Variants in UBA3 observed in about 807,000 individuals in gnomAD.
The protein encoded by UBA3 is ubiquitin like modifier activating enzyme 3, also known as NEDD8-activating enzyme E1 catalytic subunit.
A neutral mutation model predicts 73.5 loss-of-function variants in UBA3; 26 were observed. The ratio of observed to expected loss-of-function variants is 0.35; its 90% CI spans 0.26 to 0.49. The LOEUF (loss-of-function observed/expected upper bound fraction) is 0.49, where lower values mean the gene tolerates loss of function less well. Among genes scored for constraint, UBA3 ranks in the 20% least tolerant of loss-of-function variants. The pLI, the probability that UBA3 is intolerant of heterozygous loss-of-function variation, is 0.98. For synonymous variants in UBA3, 217 were observed against 191.2 expected (o/e 1.13, Z -1.11); for missense variants, 495 against 555.6 (o/e 0.89, Z 1.10).
At chr3:69,070,299 C>A (rs974474529) in intron 5 of UBA3, among the ~76,000 whole-genome samples, 1 of 152,170 alleles carries the variant, frequency 6.6e-6, no homozygotes, top group Non-Finnish European at 1.5e-5. Context: ...CATTAAGGGT[C>A]ACACTGCAAT....
chr3:69,072,849 C>T (rs1249210377), intron 4 of UBA3, among the ~76,000 whole-genome samples: 4 of 152,174 alleles, frequency 2.6e-5, no homozygotes, highest in Non-Finnish European at 5.9e-5. Flanking sequence ...TTCCAGGTGC[C>T]CGCCCCTAGA....
At position 69,056,618 on chromosome 3, in the gene UBA3, T is replaced by C; in HGVS notation, c.1077A>G (p.Glu359=). The C allele has an allele frequency of 6.2e-7, 1 of 1,609,258 alleles. No homozygotes were observed. The highest frequency in any genetic ancestry group is 2.2e-5 in the East Asian group (1 of 44,754). The stretch of plus-strand genomic sequence containing the variant: ...TGTTCTTAATACTACTAACCTTTCT[T>C]TCTGCTTCAAATGTGTATGTATACA... The part of the protein sequence containing the change: ...DGLYTYTFEA[E]RKENCPACSQ... Residue 359 remains glutamate, a synonymous_variant, in exon 14 of 18, where the codon GAA becomes GAG. Transcript: ENST00000361055.
At chr3:69,070,813 T>G (rs2092116202) in intron 5 of UBA3, among the ~76,000 whole-genome samples, 1 of 151,942 alleles carries the variant, frequency 6.6e-6, no homozygotes, top group African/African-American at 2.4e-5. Flanking sequence ...CCCGGCTAAT[T>G]TTTTAATTTT....
chr3:69,075,951 G>T (rs1024559881), intron 3 of UBA3, among the ~76,000 whole-genome samples: 9 of 152,006 alleles, frequency 5.9e-5, no homozygotes, highest in African/African-American at 2.2e-4. Context: ...GACTGGCCTT[G>T]AACTCCTGAC....
chr3:69,079,911 C>G (rs747786113), intron 2 of UBA3: 4 of 546,108 alleles, frequency 7.3e-6, no homozygotes, highest in Admixed American at 7.8e-5. Flanking sequence ...CTGGCCCCGA[C>G]GCCCGCACCG....
In UBA3 at chr3:69,057,317, A is replaced by G. The variant is rs773799697; in HGVS notation, c.911-8T>C. The G allele has an allele frequency of 7.5e-6, 12 of 1,607,662 alleles. No individual in the cohort carries two copies. Among genetic ancestry groups the G allele is most frequent in the Non-Finnish European group, 5.9e-6 (7 of 1,177,172 alleles). ...TGATTCTTTTTACTACCCCTGAAAA[A>G]ACATATCAATTAAAATATGGTCATT... On this transcript the variant is annotated splice_region_variant and splice_polypyrimidine_tract_variant and intron_variant, in intron 11 of 17. Coordinates refer to ENST00000361055, the MANE Select transcript of UBA3 (RefSeq NM_003968.4).
intron 5 of UBA3, 63 bp downstream of exon 5, chr3:69,071,472 T>C: frequency 3.5e-6 from 3 of 856,100 alleles, no homozygotes; most frequent in East Asian, 2.8e-5. Flanking sequence ...TAAACTGCAA[T>C]GTACAAGTTC....
chr3:69,056,642 C>G lies in UBA3; in HGVS notation c.1053G>C (p.Leu351=). 6.2e-7 allele frequency: 1 copy of G among 1,612,946 alleles called. No individual in the cohort carries two copies. The highest frequency in any genetic ancestry group is 1.1e-5 in the South Asian group (1 of 91,030). The part of the protein sequence containing the change: ...NYLVFNDVDG[L]YTYTFEAERK... ...TTTCTGCTTCAAATGTGTATGTATA[C>G]AGCCCATCTACATCATTAAACACCA... Residue 351 remains leucine, a synonymous_variant, in exon 14 of 18, where the codon CTG becomes CTC. Transcript: ENST00000361055.
chr3:69,071,347 CTATCA>C, intron 5 of UBA3, 183 bp downstream of exon 5: 1 of 482,324 alleles, frequency 2.1e-6, no homozygotes, highest in Non-Finnish European at 3.6e-6. Flanking sequence ...TACATAACTA[CTATCA>C]CCAAGATGCC....
rs2092182412 is a variant in UBA3, at chr3:69,077,938, T to C, written c.63-20A>G. On this transcript the variant is annotated intron_variant, in intron 2 of 17. Transcript: ENST00000361055. ...GCCATTCTGCACAGAACACAGTAAA[T>C]TCAGCTGCAAAGATCAGTATGAAAA... 2 of 1,610,056 alleles carry C rather than the reference T, an allele frequency of 1.2e-6. No homozygotes were observed. The highest frequency in any genetic ancestry group is 2.2e-5 in the East Asian group (1 of 44,774).
At chr3:69,057,927 T>TC (rs1402050075) in intron 11 of UBA3, among the ~76,000 whole-genome samples, 2 of 143,820 alleles carry the variant, frequency 1.4e-5, no homozygotes, top group South Asian at 2.3e-4. Flanking sequence ...CATTTTTCTT[T>TC]TTTTTTTTTT....
intron 11 of UBA3, among the ~76,000 whole-genome samples, chr3:69,057,561 T>C (rs971875221): frequency 2.0e-5 from 3 of 152,302 alleles, no homozygotes; most frequent in African/African-American, 4.8e-5. Flanking sequence ...AATAACATCA[T>C]AATAGTTAAC....
chr3:69,070,260 TAAAC>T (rs1008411626), intron 5 of UBA3, among the ~76,000 whole-genome samples: 2 of 152,034 alleles, frequency 1.3e-5, no homozygotes, highest in Non-Finnish European at 1.5e-5. Context: ...GGTTAAAAAA[TAAAC>T]AAAAAATAAA....
intron 1 of UBA3, 64 bp downstream of exon 1, chr3:69,080,270 C>A: frequency 6.3e-7 from 1 of 1,586,840 alleles, no homozygotes; most frequent in Non-Finnish European, 8.6e-7. Flanking sequence ...GCGGCAACCG[C>A]CCACCGCCGC....
At chr3:69,058,016 C>T (rs528429370) in intron 11 of UBA3, among the ~76,000 whole-genome samples, 3 of 149,438 alleles carry the variant, frequency 2.0e-5, no homozygotes, top group East Asian at 3.9e-4. Context: ...CTGCAAGCTC[C>T]GCCTTCTGGG....
chr3:69,055,766 G>A, intron 17 of UBA3, 85 bp downstream of exon 17: 1 of 1,329,634 alleles, frequency 7.5e-7, no homozygotes, highest in African/African-American at 1.5e-5. Context: ...GGCATTAAGA[G>A]GAAATCTAGA....
rs1227053892 is a variant in UBA3, at chr3:69,071,523, A to G, written c.347+12T>C. 3 of 1,428,142 alleles carry G rather than the reference A, an allele frequency of 2.1e-6. No individual in the cohort carries two copies. In the South Asian group the frequency reaches 3.8e-5, roughly 18 times the overall value. The allele number at this position is 1,428,142 out of a possible 1,614,324, so 88.5% of individuals were successfully genotyped here. ...CTTAAAAAAAGAAAACCGCTAAGATATTAAAACTTACCTAAATAAAAACTG... is the reference window on the plus strand; with the variant it reads ...CTTAAAAAAAGAAAACCGCTAAGATGTTAAAACTTACCTAAATAAAAACTG... On this transcript the variant is annotated intron_variant, in intron 5 of 17. Transcript: ENST00000361055.
At chr3:69,055,724 G>T in intron 17 of UBA3, 127 bp downstream of exon 17, 1 of 981,900 alleles carries the variant, frequency 1.0e-6, no homozygotes, top group Non-Finnish European at 1.5e-6. Flanking sequence ...TATGTCTAAA[G>T]TTGTAAGTAA....
intron 11 of UBA3, among the ~76,000 whole-genome samples, chr3:69,057,924 C>CCT (rs2091988091): frequency 1.7e-5 from 2 of 115,476 alleles, no homozygotes; most frequent in African/African-American, 6.7e-5. Flanking sequence ...CCACATTTTT[C>CCT]TTTTTTTTTT....
Sources: allele counts gnomAD v4.1 joint callset (sites outside exome capture counted in the v4.1 genomes callset), GRCh38; gene constraint gnomAD v4.1.1; transcripts MANE v1.5; gene names NCBI Gene and HGNC (gene_info 2026-07-23, HGNC 2026-07-21).